The following ERBB4 variants were observed in gnomAD, a reference collection of about 807,000 sequenced individuals.
ERBB4 encodes receptor tyrosine-protein kinase erbB-4.
In ERBB4, 42 loss-of-function variants were observed where a neutral mutation model predicts 158.0. That is an observed-to-expected ratio of 0.27 (90% CI 0.21 to 0.34). ERBB4 has a LOEUF of 0.34. Ranked by LOEUF, ERBB4 falls within the 10% of genes least tolerant of loss-of-function variation. The pLI, the probability that ERBB4 is intolerant of heterozygous loss-of-function variation, is 1.00. For synonymous variants in ERBB4, 583 were observed against 558.7 expected (o/e 1.04, Z -0.61); for missense variants, 1,333 against 1,624.1 (o/e 0.82, Z 3.08).
At chr2:211,831,582 T>G (rs960507335) in intron 3 of ERBB4, among the ~76,000 whole-genome samples, 2 of 152,202 alleles carry the variant, frequency 1.3e-5, no homozygotes, top group Non-Finnish European at 2.9e-5. Context: ...AACAAACTAT[T>G]AAGTATGATT....
intron 5 of ERBB4, among the ~76,000 whole-genome samples, chr2:211,745,548 C>T (rs2074939516): frequency 6.6e-6 from 1 of 152,022 alleles, no homozygotes; most frequent in African/African-American, 2.4e-5. Context: ...AGTTTGCCTT[C>T]CACTTTCATT....
chr2:212,336,068 C>T (rs1249074604), intron 1 of ERBB4, among the ~76,000 whole-genome samples: 1 of 151,872 alleles, frequency 6.6e-6, no homozygotes, highest in Non-Finnish European at 1.5e-5. Flanking sequence ...TAAGCAAGCA[C>T]TGGGGGAACT....
rs560831452 is a variant in ERBB4, at chr2:211,918,118, G to A, written c.421+29312C>T. ...GGAGGATATCACTCTTCAAATAGAT[G>A]GGAATACAAATGGAGCTGATTTAGC... On this transcript the variant is annotated intron_variant, in intron 3 of 27. Coordinates refer to ENST00000342788, the MANE Select transcript of ERBB4 (RefSeq NM_005235.3). 2.4e-4 allele frequency among the ~76,000 whole-genome samples: 37 copies of A among 152,224 alleles called. No homozygotes were observed. The East Asian group carries it at 6.4e-3, about 26-fold the overall frequency.
chr2:211,588,740 A>C (rs1410796146), intron 19 of ERBB4, among the ~76,000 whole-genome samples: 1 of 152,136 alleles, frequency 6.6e-6, no homozygotes, highest in Non-Finnish European at 1.5e-5. Flanking sequence ...CATGATGTTA[A>C]TCACTCCGCA....
At chr2:212,023,124 A>G (rs1169640909) in intron 2 of ERBB4, among the ~76,000 whole-genome samples, 1 of 152,162 alleles carries the variant, frequency 6.6e-6, no homozygotes, top group Non-Finnish European at 1.5e-5. Context: ...TATGAGAATC[A>G]TGGGAACACT....
At chr2:212,009,554 G>A (rs1027501737) in intron 2 of ERBB4, among the ~76,000 whole-genome samples, 2 of 152,088 alleles carry the variant, frequency 1.3e-5, no homozygotes, top group Non-Finnish European at 2.9e-5. Context: ...GTTGTATGTT[G>A]TTACAGTGGC....
chr2:212,366,794 T>C (rs1030177852), intron 1 of ERBB4, among the ~76,000 whole-genome samples: 3 of 152,046 alleles, frequency 2.0e-5, no homozygotes, highest in African/African-American at 4.8e-5. Context: ...ATATGGATTT[T>C]AACCATTCTT....
At chr2:212,008,135 T>G (rs1460685993) in intron 2 of ERBB4, among the ~76,000 whole-genome samples, 1 of 152,098 alleles carries the variant, frequency 6.6e-6, no homozygotes, top group East Asian at 1.9e-4. Context: ...TTTGCAACTA[T>G]GCAAATGATA....
At chr2:211,593,641 T>G (rs958790632) in intron 19 of ERBB4, among the ~76,000 whole-genome samples, 2 of 152,228 alleles carry the variant, frequency 1.3e-5, no homozygotes, top group Non-Finnish European at 2.9e-5. Context: ...TAATTTACAC[T>G]TGTATCTGTT....
At chr2:212,149,078 GT>G (rs1244836624) in intron 1 of ERBB4, among the ~76,000 whole-genome samples, 1 of 147,606 alleles carries the variant, frequency 6.8e-6, no homozygotes, top group Non-Finnish European at 1.5e-5. Context: ...TGACGAGTTA[GT>G]GGGTGCAGCA....
At chr2:212,395,053 T>C (rs1383188720) in intron 1 of ERBB4, among the ~76,000 whole-genome samples, 1 of 152,076 alleles carries the variant, frequency 6.6e-6, no homozygotes, top group Non-Finnish European at 1.5e-5. Flanking sequence ...TTTTAAACAA[T>C]ATCTAAAAGT....
chr2:211,396,364 A>C (rs1471350021), intron 25 of ERBB4, among the ~76,000 whole-genome samples: 1 of 152,134 alleles, frequency 6.6e-6, no homozygotes, highest in Admixed American at 6.6e-5. Context: ...TTTATCAACA[A>C]ATGAGTGATG....
At chr2:212,236,796 T>C (rs1027590347) in intron 1 of ERBB4, among the ~76,000 whole-genome samples, 6 of 152,220 alleles carry the variant, frequency 3.9e-5, no homozygotes, top group Non-Finnish European at 8.8e-5. Context: ...TGTATTTCTG[T>C]GGGATCAGTG....
At chr2:211,796,339 T>C (rs958860030) in intron 3 of ERBB4, among the ~76,000 whole-genome samples, 18 of 151,992 alleles carry the variant, frequency 1.2e-4, no homozygotes, top group African/African-American at 4.3e-4. Flanking sequence ...TTGTGTGGTA[T>C]TCCATGGTTT....
intron 1 of ERBB4, among the ~76,000 whole-genome samples, chr2:212,464,623 T>C (rs770772042): frequency 6.6e-6 from 1 of 152,096 alleles, no homozygotes; most frequent in African/African-American, 2.4e-5. Flanking sequence ...TGTCTGTCAA[T>C]TAGTAATTCA....
intron 5 of ERBB4, among the ~76,000 whole-genome samples, chr2:211,740,389 A>G (rs1366130174): frequency 6.6e-6 from 1 of 152,122 alleles, no homozygotes; most frequent in Non-Finnish European, 1.5e-5. Flanking sequence ...ATAATATTAT[A>G]AATTGTTGAG....
rs1165877419 is a variant in ERBB4 at position 211,622,990 on chromosome 2, AATATATATATATATATATATATATATAT to A, written c.2202+904_2202+931del. Among the ~76,000 whole-genome samples, 140 of 21,874 alleles carry A rather than the reference AATATATATATATATATATATATATATAT, an allele frequency of 6.4e-3. 5 individuals carry two copies. Among genetic ancestry groups the A allele is most frequent in the Non-Finnish European group, 8.7e-3 (119 of 13,702 alleles). The allele number at this position is 21,874 out of a possible 152,430, so 14.4% of individuals were successfully genotyped here. A position where few individuals can be genotyped will look rare whatever the true frequency, so the allele number is the denominator to read the frequency against. ...AAAAAAAAAAAAAAAAAAAAAAAAA[AATATATATATATATATATATATATATAT>A]ATATATATATATATATATATATATA... On this transcript the variant is annotated intron_variant, in intron 18 of 27. Transcript: ENST00000342788.
At chr2:212,101,422 GAAGA>G (rs1433171641) in intron 2 of ERBB4, among the ~76,000 whole-genome samples, 1 of 149,720 alleles carries the variant, frequency 6.7e-6, no homozygotes, top group Non-Finnish European at 1.5e-5. Context: ...TCTTTAAGGC[GAAGA>G]AAGATTTTTT....
At chr2:211,401,216 A>G (rs1031051215) in intron 25 of ERBB4, among the ~76,000 whole-genome samples, 11 of 152,092 alleles carry the variant, frequency 7.2e-5, no homozygotes, top group African/African-American at 2.7e-4. Context: ...TAAAATCCTT[A>G]AGCAACTAAA....
Sources: allele counts gnomAD v4.1 joint callset (sites outside exome capture counted in the v4.1 genomes callset), GRCh38; gene constraint gnomAD v4.1.1; transcripts MANE v1.5; gene names NCBI Gene and HGNC (gene_info 2026-07-23, HGNC 2026-07-21).